SKIC3: variants seen among roughly 807,000 people sequenced by gnomAD.
The protein encoded by SKIC3 is superkiller complex protein 3.
chr5:95,489,456 A>T, the SKIC3 span, among the ~76,000 whole-genome samples: 1 of 151,598 alleles, frequency 6.6e-6, no homozygotes, highest in Non-Finnish European at 1.5e-5. Context: ...GTATAGTGTT[A>T]GTTGAAAATG....
chr5:95,514,085 T>C, the SKIC3 span, among the ~76,000 whole-genome samples: 8 of 152,156 alleles, frequency 5.3e-5, no homozygotes, highest in African/African-American at 1.9e-4. Context: ...CCTTTCTAGC[T>C]CTGCTTGCTT....
the SKIC3 span, chr5:95,528,102 T>A: frequency 6.2e-7 from 1 of 1,613,852 alleles, no homozygotes; most frequent in South Asian, 1.1e-5. Flanking sequence ...CAAAGATTCC[T>A]CTGATAAAGA....
At chr5:95,524,873 A>G in the SKIC3 span, among the ~76,000 whole-genome samples, 1 of 152,170 alleles carries the variant, frequency 6.6e-6, no homozygotes, top group South Asian at 2.1e-4. Context: ...CATTATGATC[A>G]GCTGATTAGA....
the SKIC3 span, chr5:95,503,066 G>A: frequency 2.0e-5 from 32 of 1,601,268 alleles, no homozygotes; most frequent in Non-Finnish European, 2.7e-5. Context: ...ATGAAGCATG[G>A]GATTTTTCCT....
At chr5:95,521,309 C>T in the SKIC3 span, 1 of 154,114 alleles carries the variant, frequency 6.5e-6, no homozygotes, top group African/African-American at 2.4e-5. Context: ...AAGAGTTTTA[C>T]AAAATTAAAA....
chr5:95,509,270 G>A, the SKIC3 span, among the ~76,000 whole-genome samples: 3 of 152,158 alleles, frequency 2.0e-5, no homozygotes, highest in East Asian at 1.9e-4. Context: ...AGCTAAAACC[G>A]GGTCCTTGTC....
the SKIC3 span, chr5:95,523,222 C>T: frequency 9.9e-6 from 16 of 1,613,856 alleles, no homozygotes; most frequent in South Asian, 1.8e-4. Flanking sequence ...CTTGAGAATG[C>T]TGACCAGCTT....
chr5:95,523,735 T>G, the SKIC3 span: 1 of 1,613,758 alleles, frequency 6.2e-7, no homozygotes, highest in East Asian at 2.2e-5. Context: ...AAGGCTTTCC[T>G]ATAACATCCA....
At chr5:95,473,598 A>C in the SKIC3 span, among the ~76,000 whole-genome samples, 1 of 152,256 alleles carries the variant, frequency 6.6e-6, no homozygotes, top group Non-Finnish European at 1.5e-5. Flanking sequence ...ACTTTTTAAT[A>C]ATAGCCATTC....
the SKIC3 span, among the ~76,000 whole-genome samples, chr5:95,519,540 T>C: frequency 3.3e-5 from 5 of 152,032 alleles, no homozygotes; most frequent in South Asian, 4.2e-4. Flanking sequence ...ATTTCTAAAA[T>C]TGACAGCAAA....
the SKIC3 span, among the ~76,000 whole-genome samples, chr5:95,532,801 T>A: frequency 2.8e-4 from 42 of 152,168 alleles, no homozygotes; most frequent in Middle Eastern, 3.4e-3. Context: ...ATTCCAAGGG[T>A]AGAGGGTATT....
the SKIC3 span, among the ~76,000 whole-genome samples, chr5:95,551,035 G>C: frequency 6.6e-6 from 1 of 151,748 alleles, no homozygotes; most frequent in East Asian, 1.9e-4. Flanking sequence ...GACAACTAAG[G>C]GTACTTATTT....
At chr5:95,550,029 A>C in the SKIC3 span, among the ~76,000 whole-genome samples, 25 of 152,018 alleles carry the variant, frequency 1.6e-4, no homozygotes, top group African/African-American at 6.0e-4. Context: ...CTCCCTATTA[A>C]TTCTTTCCGC....
the SKIC3 span, among the ~76,000 whole-genome samples, chr5:95,510,582 G>A: frequency 6.6e-6 from 1 of 152,126 alleles, no homozygotes; most frequent in Admixed American, 6.5e-5. Context: ...ATCTGATCTT[G>A]TGGCCCCCAC....
At chr5:95,522,072 A>T in the SKIC3 span, 2 of 1,613,616 alleles carry the variant, frequency 1.2e-6, no homozygotes, top group Non-Finnish European at 1.7e-6. Context: ...GCAGGCACAT[A>T]ATCTTCTTTC....
the SKIC3 span, chr5:95,464,593 A>G: frequency 1.3e-6 from 2 of 1,598,748 alleles, no homozygotes; most frequent in African/African-American, 2.7e-5. Flanking sequence ...TCCTTACTAT[A>G]AAATAATCCA....
At chr5:95,473,430 TGCCACTAC>T in the SKIC3 span, among the ~76,000 whole-genome samples, 3 of 152,204 alleles carry the variant, frequency 2.0e-5, no homozygotes, top group Admixed American at 1.3e-4. Flanking sequence ...TACAGGTGCA[TGCCACTAC>T]GCCTGGCTAA....
At chr5:95,525,174 C>T in the SKIC3 span, among the ~76,000 whole-genome samples, 15 of 152,110 alleles carry the variant, frequency 9.9e-5, no homozygotes, top group Non-Finnish European at 7.4e-5. Flanking sequence ...TGAGCCACCA[C>T]GCCCGGCCAA....
At chr5:95,526,699 C>T in the SKIC3 span, among the ~76,000 whole-genome samples, 1 of 152,130 alleles carries the variant, frequency 6.6e-6, no homozygotes, top group Admixed American at 6.5e-5. Flanking sequence ...AAACTCCTGA[C>T]CTCAAGTGAT....
Sources: gnomAD v4.1 joint callset for allele counts (sites outside exome capture counted in the v4.1 genomes callset) on GRCh38, gnomAD v4.1.1 for gene constraint, MANE v1.5 for transcripts, NCBI Gene and HGNC (gene_info 2026-07-23, HGNC 2026-07-21) for gene names.